CELSR1: variants seen among roughly 807,000 people sequenced by gnomAD.
CELSR1 encodes cadherin EGF LAG seven-pass G-type receptor 1.
Under a neutral mutation model 249.1 loss-of-function variants are expected in CELSR1, and 110 were observed. That is an observed-to-expected ratio of 0.44 (90% CI 0.38 to 0.52). CELSR1 has a LOEUF of 0.52. Among genes scored for constraint, CELSR1 ranks in the 20% least tolerant of loss-of-function variants. The pLI, the probability that CELSR1 is intolerant of heterozygous loss-of-function variation, is 0.00. For synonymous variants in CELSR1, 2,113 were observed against 1,900.0 expected (o/e 1.11, Z -2.92); for missense variants, 4,109 against 4,296.4 (o/e 0.96, Z 1.22).
At position 46,518,928 on chromosome 22, in the gene CELSR1, G is replaced by A. The variant is rs2080656777; in HGVS notation, c.3544+14699C>T. Among the ~76,000 whole-genome samples the A allele has an allele frequency of 6.6e-6, 1 of 152,102 alleles. No homozygotes were observed. Among genetic ancestry groups the A allele is most frequent in the Non-Finnish European group, 1.5e-5 (1 of 68,020 alleles). Reference sequence around the variant, plus strand: ...CATGCCTGTAATCCCAGCTACTCGGGAGGCAGAGGCAGGAGAATCGCTTAA... The same window carrying A: ...CATGCCTGTAATCCCAGCTACTCGGAAGGCAGAGGCAGGAGAATCGCTTAA... On this transcript the variant is annotated intron_variant, in intron 1 of 34. Transcript: ENST00000674500. The surrounding 1 kb of genome is among the most constrained non-coding windows in gnomAD (Gnocchi z 5.2).
chr22:46,420,203 C>G (rs543295773), intron 5 of CELSR1, among the ~76,000 whole-genome samples: 1 of 152,130 alleles, frequency 6.6e-6, no homozygotes, highest in Admixed American at 6.5e-5. Context: ...CACACCTACC[C>G]ACACTCGTAC....
Position 46,381,855 on chromosome 22 carries a change from C to A in CELSR1, c.7079G>T (p.Arg2360Leu). The change falls in exon 21 of 35, where the codon CGC (arginine) becomes CTC (leucine). Residue 2360 changes from arginine (R) to leucine (L), a missense_variant. Arg to Leu is a moderately radical substitution (Grantham distance 102). This residue lies in a region of CELSR1 where 1,805 missense variants were observed against 1,831.6 expected (regional missense o/e 0.99). Transcript: ENST00000674500. This position sits in a 1 kb window ranked among gnomAD's most constrained non-coding sequence, Gnocchi z 6.0. ...CGTGCCCAGGCCTTACCGGAGGCTG[C>A]GACGGTCGGGGTCGTAGCGCTCGGG... ...LLPERYDPDR[R>L]SLRLPHRPII... The A allele has an allele frequency of 1.9e-6, 3 of 1,556,256 alleles. No homozygotes were observed. Among genetic ancestry groups the A allele is most frequent in the Non-Finnish European group, 2.6e-6 (3 of 1,154,098 alleles).
rs2080834729 is a variant in CELSR1 at position 46,534,935 on chromosome 22, G to A, written c.2236C>T (p.Leu746=). The change falls in exon 1 of 35, where the codon CTG becomes TTG. Residue 746 remains leucine (L), a synonymous_variant. Transcript: ENST00000674500. The surrounding 1 kb of genome is among the most constrained non-coding windows in gnomAD (Gnocchi z 9.7). The part of the protein sequence containing the change: ...SSQRGGGLIT[L]ALPLDYKQEQ... ...TGCTTGTAGTCCAGAGGTAGCGCCA[G>A]GGTGATGAGGCCGCCCCCTCTCTGG... 2 of 1,612,494 alleles carry A rather than the reference G, an allele frequency of 1.2e-6. No homozygotes were observed. Among genetic ancestry groups the A allele is most frequent in the African/African-American group, 1.3e-5 (1 of 75,034 alleles).
intron 1 of CELSR1, among the ~76,000 whole-genome samples, chr22:46,505,531 G>A (rs1041203970): frequency 1.5e-4 from 23 of 152,080 alleles, no homozygotes; most frequent in Admixed American, 3.3e-4. Context: ...TGAGGTGGGA[G>A]GACTGCTTGA....
chr22:46,528,218 C>T (rs913227754), intron 1 of CELSR1, among the ~76,000 whole-genome samples: 2 of 152,206 alleles, frequency 1.3e-5, no homozygotes, highest in South Asian at 4.1e-4. Context: ...TCTTTGCAAT[C>T]GTCTGTTTAA....
chr22:46,463,714 G>A lies in CELSR1; in HGVS notation c.4176C>T (p.Asp1392=), dbSNP rs948539907. The change falls in exon 2 of 35, where the codon GAC becomes GAT. Residue 1392 remains aspartate, a synonymous_variant. Coordinates refer to ENST00000674500, the MANE Select transcript of CELSR1 (RefSeq NM_001378328.1). ...EGGYTCECFE[D]FTGEHCEVDA... ...GTGAGCCCGGGCACCTACCAGTGAA[G>A]TCCTCGAAGCACTCGCAGGTGTAGC... 5 of 1,520,828 alleles carry A rather than the reference G, an allele frequency of 3.3e-6. No individual in the cohort carries two copies. The African/African-American group carries it at 7.0e-5, about 21-fold the overall frequency. 94.2% of individuals were successfully genotyped at this position (1,520,828 alleles called of 1,614,324 possible).
intron 1 of CELSR1, among the ~76,000 whole-genome samples, chr22:46,478,573 C>T (rs2080233992): frequency 2.0e-5 from 3 of 151,018 alleles, no homozygotes; most frequent in Non-Finnish European, 4.4e-5. Context: ...GATGGAGTCT[C>T]ACACTGTCGC....
At chr22:46,384,960 T>G (rs1447731908) in intron 19 of CELSR1, among the ~76,000 whole-genome samples, 2 of 151,806 alleles carry the variant, frequency 1.3e-5, no homozygotes, top group African/African-American at 2.4e-5. Context: ...CTGGCTAATT[T>G]TTTGTATTTT....
At chr22:46,450,361 G>A (rs2079869555) in intron 2 of CELSR1, among the ~76,000 whole-genome samples, 1 of 152,244 alleles carries the variant, frequency 6.6e-6, no homozygotes, top group African/African-American at 2.4e-5. Context: ...GGGCCACATG[G>A]CGTCCCAACA....
In CELSR1 at chr22:46,367,136, G is replaced by A; in HGVS notation, c.8080-18C>T. 3 of 1,607,862 alleles carry A rather than the reference G, an allele frequency of 1.9e-6. No individual in the cohort carries two copies. Among genetic ancestry groups the A allele is most frequent in the Non-Finnish European group, 1.7e-6 (2 of 1,178,338 alleles). On this transcript the variant is annotated intron_variant, in intron 28 of 34. Transcript: ENST00000674500. Reference sequence around the variant, plus strand: ...AAGGGGCCCTGGAGGGAGGAAGGTGGGGTCAGCACCTGCTGCTGCCTCCCT... The same window carrying A: ...AAGGGGCCCTGGAGGGAGGAAGGTGAGGTCAGCACCTGCTGCTGCCTCCCT...
chr22:46,410,420 G>T lies in CELSR1; in HGVS notation c.4911C>A (p.Ile1637=), dbSNP rs371907278. The stretch of plus-strand genomic sequence containing the variant: ...TACCTTCCCGGGTGCCATTGTTGGC[G>T]ATGAATCCGGCCATGTCCACATTTT... The part of the protein sequence containing the change: ...DGKNVDMAGF[I]ANNGTREGCA... The change falls in exon 7 of 35, where the codon ATC becomes ATA. Residue 1637 remains isoleucine, a synonymous_variant. Coordinates refer to ENST00000674500, the MANE Select transcript of CELSR1 (RefSeq NM_001378328.1). The surrounding 1 kb of genome is among the most constrained non-coding windows in gnomAD (Gnocchi z 6.8). 13 of 1,613,742 alleles carry T rather than the reference G, an allele frequency of 8.1e-6. No homozygotes were observed. The Admixed American group carries it at 2.2e-4, about 27-fold the overall frequency.
chr22:46,489,947 C>A (rs62233278), intron 1 of CELSR1, among the ~76,000 whole-genome samples: 18,060 of 151,582 alleles, frequency 0.12, 1,282 homozygotes, highest in East Asian at 0.17. Context: ...GTTCCAAGGA[C>A]AATAAACTCC....
At chr22:46,435,279 A>AAT (rs1491093378) in intron 4 of CELSR1, among the ~76,000 whole-genome samples, 21 of 108,398 alleles carry the variant, frequency 1.9e-4, no homozygotes, top group African/African-American at 3.5e-4. Flanking sequence ...AAAAAAAAAA[A>AAT]TTTTTTTTTT....
intron 9 of CELSR1, among the ~76,000 whole-genome samples, chr22:46,403,227 G>C (rs1041116208): frequency 1.3e-5 from 2 of 152,070 alleles, no homozygotes; most frequent in East Asian, 3.8e-4. Flanking sequence ...CTCTCAGTAA[G>C]TGAGGAGACA....
chr22:46,371,286 G>A (rs79001968), intron 25 of CELSR1, among the ~76,000 whole-genome samples: 1,550 of 127,398 alleles, frequency 0.012, 25 homozygotes, highest in African/African-American at 0.044. Context: ...GGACGGTCCA[G>A]CAAGTGACCA....
chr22:46,527,042 A>G lies in CELSR1; in HGVS notation c.3544+6585T>C, dbSNP rs2080745167. Among the ~76,000 whole-genome samples the G allele has an allele frequency of 1.3e-5, 2 of 152,176 alleles. 1 individual carries two copies. The highest frequency in any genetic ancestry group is 4.1e-4 in the South Asian group (2 of 4,828). ...ACATGCCTTAGGAGCTGCCCGGTCC[A>G]GGTTCAAATCCCACTGCTGCCATCA... On this transcript the variant is annotated intron_variant, in intron 1 of 34. Coordinates refer to ENST00000674500, the MANE Select transcript of CELSR1 (RefSeq NM_001378328.1). This position sits in a 1 kb window ranked among gnomAD's most constrained non-coding sequence, Gnocchi z 5.5.
chr22:46,361,336 A>AACTG lies in CELSR1; in HGVS notation c.*1883_*1886dup, dbSNP rs1449985379. ...GTTTACATTTTTCCCATCTCAATAAAACTGACAGTTGTTTTTTGGTAACAG... is the reference window on the plus strand; with the variant it reads ...GTTTACATTTTTCCCATCTCAATAAAACTGACTGACAGTTGTTTTTTGGTAACAG... On this transcript the variant is annotated 3_prime_UTR_variant, in exon 35 of 35. Coordinates refer to ENST00000674500, the MANE Select transcript of CELSR1 (RefSeq NM_001378328.1). 2 of 152,542 alleles carry AACTG rather than the reference A, an allele frequency of 1.3e-5. No individual in the cohort carries two copies. Among genetic ancestry groups the AACTG allele is most frequent in the African/African-American group, 4.8e-5 (2 of 41,444 alleles). The allele number at this position is 152,542 out of a possible 1,614,324, so 9.4% of individuals were successfully genotyped here.
chr22:46,480,150 T>C (rs1362036210), intron 1 of CELSR1, among the ~76,000 whole-genome samples: 1 of 152,244 alleles, frequency 6.6e-6, no homozygotes, highest in Non-Finnish European at 1.5e-5. Flanking sequence ...GGCAAAGTGT[T>C]ACTGCAAGAT....
chr22:46,417,236 C>T lies in CELSR1; in HGVS notation c.4612-5477G>A, dbSNP rs768803996. Among the ~76,000 whole-genome samples, 11 of 152,200 alleles carry T rather than the reference C, an allele frequency of 7.2e-5. No homozygotes were observed. The highest frequency in any genetic ancestry group is 4.1e-4 in the South Asian group (2 of 4,830). On this transcript the variant is annotated intron_variant, in intron 5 of 34. Coordinates refer to ENST00000674500, the MANE Select transcript of CELSR1 (RefSeq NM_001378328.1). The surrounding 1 kb of genome is among the most constrained non-coding windows in gnomAD (Gnocchi z 4.1). ...GGCATGGAGACGACAAGCTCTCCCT[C>T]GGAGGCAGCCACTGCAGTTCTCCGA... is the stretch of plus-strand genomic sequence containing the variant.
Sources: allele counts gnomAD v4.1 joint callset (sites outside exome capture counted in the v4.1 genomes callset), GRCh38; gene constraint gnomAD v4.1.1; regional missense constraint gnomAD v4.1.1; non-coding constraint Gnocchi (gnomAD v3.1); transcripts MANE v1.5; gene names NCBI Gene and HGNC (gene_info 2026-07-23, HGNC 2026-07-21).